TMEM216: variants seen among roughly 807,000 people sequenced by gnomAD.
TMEM216 encodes transmembrane protein 216.
Under a neutral mutation model 17.8 loss-of-function variants are expected in TMEM216, and 15 were observed. That is an observed-to-expected ratio of 0.84 (90% CI 0.56 to 1.30). The LOEUF (loss-of-function observed/expected upper bound fraction) is 1.30. Among genes scored for constraint, TMEM216 ranks in the 50% most tolerant of loss-of-function variants. The pLI is 0.00. For missense variants in TMEM216, 160 were observed against 175.7 expected (o/e 0.91, Z 0.51); for synonymous variants, 58 against 73.5 (o/e 0.79, Z 1.08).
chr11:61,397,803 A>T lies in TMEM216; in HGVS notation c.259A>T (p.Met87Leu). 6.2e-7 allele frequency: 1 copy of T among 1,613,654 alleles called. No homozygotes were observed. The highest frequency in any genetic ancestry group is 8.5e-7 in the Non-Finnish European group (1 of 1,179,886). Residue 87 changes from methionine (M) to leucine (L), a missense_variant, in exon 4 of 5, where the codon ATG becomes TTG. Coordinates refer to ENST00000515837, the MANE Select transcript of TMEM216 (RefSeq NM_001173990.3). ...GTKGNLCQRK[M>L]PLSISVALTF... is the part of the protein sequence containing the mutation. ...AAAGGGAAACCTCTGCCAGCGAAAGATGCCGCTCAGTATTAGCGTGGCCTT... is the reference window on the plus strand; with the variant it reads ...AAAGGGAAACCTCTGCCAGCGAAAGTTGCCGCTCAGTATTAGCGTGGCCTT...
intron 4 of TMEM216, 125 bp downstream of exon 4, chr11:61,398,100 G>A: frequency 7.2e-7 from 1 of 1,384,038 alleles, no homozygotes. Flanking sequence ...GGAAGGGGTG[G>A]CTATGGGATT....
chr11:61,393,020 AGT>A, intron 1 of TMEM216: 1 of 504,320 alleles, frequency 2.0e-6, no homozygotes, highest in Non-Finnish European at 2.6e-6. Flanking sequence ...CGAAGAGTCG[AGT>A]TTCACGGTGA....
intron 3 of TMEM216, 190 bp downstream of exon 3, chr11:61,394,166 T>A: frequency 1.7e-6 from 1 of 578,904 alleles, no homozygotes; most frequent in East Asian, 3.0e-5. Context: ...TGTTGCTCTG[T>A]AAGGCTAGAG....
chr11:61,395,125 C>G (rs1359787189), intron 3 of TMEM216, among the ~76,000 whole-genome samples: 4 of 152,064 alleles, frequency 2.6e-5, no homozygotes, highest in Admixed American at 2.6e-4. Context: ...CACAGGTGTG[C>G]GACATCATAC....
chr11:61,397,613 G>C, intron 3 of TMEM216, 161 bp from the exon 4 acceptor site: 1 of 607,546 alleles, frequency 1.6e-6, no homozygotes, highest in Non-Finnish European at 2.9e-6. Flanking sequence ...GCTCTCCTAA[G>C]CCTCAAACTT....
At chr11:61,395,507 AG>A (rs2135193264) in intron 3 of TMEM216, among the ~76,000 whole-genome samples, 1 of 151,988 alleles carries the variant, frequency 6.6e-6, no homozygotes, top group Admixed American at 6.5e-5. Context: ...TGGGAGGCCG[AG>A]GTGGGTGGAT....
intron 2 of TMEM216, 144 bp from the exon 3 acceptor site, chr11:61,393,740 T>C (rs1858733105): frequency 1.6e-6 from 1 of 626,354 alleles, no homozygotes; most frequent in Non-Finnish European, 2.8e-6. Context: ...TGAGTTTATG[T>C]ATCCTGCTGC....
intron 2 of TMEM216, among the ~76,000 whole-genome samples, chr11:61,393,646 A>C (rs1027346507): frequency 2.0e-5 from 3 of 152,218 alleles, no homozygotes; most frequent in African/African-American, 4.8e-5. Context: ...ACCCATGTAC[A>C]TCCAATCATT....
Position 61,398,552 on chromosome 11 carries a change from T to C in TMEM216, c.*276T>C. On this transcript the variant is annotated 3_prime_UTR_variant, in exon 5 of 5. Coordinates refer to ENST00000515837, the MANE Select transcript of TMEM216 (RefSeq NM_001173990.3). ...CCCCTTCTCAGAACCAGTCCCCTGC[T>C]GACCTCAAGTTCTCCTCCTTGATCA... 2.0e-6 allele frequency: 1 copy of C among 491,516 alleles called. No individual in the cohort carries two copies. The highest frequency in any genetic ancestry group is 3.6e-6 in the Non-Finnish European group (1 of 276,240). 30.4% of individuals were successfully genotyped at this position (491,516 alleles called of 1,614,324 possible). A position where few individuals can be genotyped will look rare whatever the true frequency, so the allele number is the denominator to read the frequency against.
intron 3 of TMEM216, chr11:61,394,277 A>G (rs767277022): frequency 2.7e-6 from 1 of 372,240 alleles, no homozygotes; most frequent in Non-Finnish European, 5.1e-6. Context: ...GAATAGGTTC[A>G]GTTGTAACTC....
chr11:61,398,336 T>G lies in TMEM216; in HGVS notation c.*60T>G, dbSNP rs567835239. 6.4e-7 allele frequency: 1 copy of G among 1,573,970 alleles called. No individual in the cohort carries two copies. The highest frequency in any genetic ancestry group is 8.7e-7 in the Non-Finnish European group (1 of 1,149,108). On this transcript the variant is annotated 3_prime_UTR_variant, in exon 5 of 5. Coordinates refer to ENST00000515837, the MANE Select transcript of TMEM216 (RefSeq NM_001173990.3). Reference sequence around the variant, plus strand: ...ACACCACACATATTGCTTCTGGTACTTTAGCCACACCAGTGAGAATTGGTG... The same window carrying G: ...ACACCACACATATTGCTTCTGGTACGTTAGCCACACCAGTGAGAATTGGTG...
intron 3 of TMEM216, among the ~76,000 whole-genome samples, chr11:61,395,611 C>T (rs1189613845): frequency 6.6e-6 from 1 of 151,732 alleles, no homozygotes; most frequent in East Asian, 1.9e-4. Flanking sequence ...TGGCGCGCAC[C>T]TGTAATCCCA....
rs11230683 is a variant in TMEM216 at position 61,397,797 on chromosome 11, C to T, written c.253C>T (p.Arg85Ter). The T allele has an allele frequency of 1.5e-4, 238 of 1,613,372 alleles. No individual in the cohort carries two copies. The highest frequency in any genetic ancestry group is 1.8e-4 in the Non-Finnish European group (209 of 1,179,888). Residue 85 changes from arginine to a stop codon, truncating the protein, a stop_gained, in exon 4 of 5, where the codon CGA (arginine) becomes TGA (stop). Transcript: ENST00000515837. LOFTEE classifies it high-confidence loss of function. Reference sequence around the variant, plus strand: ...AGGTACAAAGGGAAACCTCTGCCAGCGAAAGATGCCGCTCAGTATTAGCGT... The same window carrying T: ...AGGTACAAAGGGAAACCTCTGCCAGTGAAAGATGCCGCTCAGTATTAGCGT... ...FFGTKGNLCQ[R>*]KMPLSISVAL...
chr11:61,393,419 T>A, intron 2 of TMEM216, 87 bp downstream of exon 2: 1 of 964,484 alleles, frequency 1.0e-6, no homozygotes, highest in Non-Finnish European at 1.6e-6. Flanking sequence ...TTATTTTCCG[T>A]TCTTTTCTGC....
chr11:61,398,606 T>C lies in TMEM216; in HGVS notation c.*330T>C. On this transcript the variant is annotated 3_prime_UTR_variant, in exon 5 of 5. Coordinates refer to ENST00000515837, the MANE Select transcript of TMEM216 (RefSeq NM_001173990.3). ...TGGCCAGAGCATCTCGTGTGGACCA[T>C]CTAGGCTCCTTGGGCTTCAAGCAGG... is the stretch of plus-strand genomic sequence containing the variant. 1 of 348,174 alleles carries C rather than the reference T, an allele frequency of 2.9e-6. No homozygotes were observed. Among genetic ancestry groups the C allele is most frequent in the Non-Finnish European group, 5.3e-6 (1 of 190,450 alleles). The allele number at this position is 348,174 out of a possible 1,614,324, so 21.6% of individuals were successfully genotyped here.
chr11:61,397,689 C>A, intron 3 of TMEM216, 85 bp from the exon 4 acceptor site: 1 of 1,266,566 alleles, frequency 7.9e-7, no homozygotes, highest in Non-Finnish European at 1.1e-6. Context: ...TTGTGCCTTG[C>A]CATTCCATCA....
chr11:61,397,257 T>C (rs1350232247), intron 3 of TMEM216, among the ~76,000 whole-genome samples: 3 of 151,656 alleles, frequency 2.0e-5, no homozygotes, highest in African/African-American at 7.3e-5. Flanking sequence ...AGCTCCACCT[T>C]CCGGGTTCAC....
intron 2 of TMEM216, 86 bp downstream of exon 2, chr11:61,393,418 G>A (rs1858724300): frequency 1.0e-6 from 1 of 960,484 alleles, no homozygotes; most frequent in Non-Finnish European, 1.6e-6. Flanking sequence ...CTTATTTTCC[G>A]TTCTTTTCTG....
chr11:61,392,900 G>A, intron 1 of TMEM216: 1 of 985,122 alleles, frequency 1.0e-6, no homozygotes, highest in South Asian at 4.7e-5. Context: ...TGGCTCAGGT[G>A]CGAATCTGTT....
Sources: gnomAD v4.1 joint callset for allele counts (sites outside exome capture counted in the v4.1 genomes callset) on GRCh38, gnomAD v4.1.1 for gene constraint, MANE v1.5 for transcripts, NCBI Gene and HGNC (gene_info 2026-07-23, HGNC 2026-07-21) for gene names.